Variants in AHCYL1 observed in about 807,000 individuals in gnomAD.
AHCYL1 encodes the protein S-adenosylhomocysteine hydrolase-like protein 1.
A neutral mutation model predicts 79.3 loss-of-function variants in AHCYL1; 20 were observed. The observed-to-expected ratio is 0.25, with a 90% CI of 0.18 to 0.37. The LOEUF is 0.37. Among genes scored for constraint, AHCYL1 ranks in the 10% least tolerant of loss-of-function variants. The pLI, the probability that AHCYL1 is intolerant of heterozygous loss-of-function variation, is 1.00. For synonymous variants in AHCYL1, 223 were observed against 242.2 expected, an observed-to-expected ratio of 0.92 and a Z score of 0.74; for missense variants, 330 against 673.6, an observed-to-expected ratio of 0.49 and a Z score of 5.65.
rs530098093 is a variant in AHCYL1 at position 110,016,454 on chromosome 1, T to G, written c.893T>G (p.Leu298Trp). ...TTGTACTGCTGCCGAGAATCCATTT[T>G]GGATGGGTAGGTTGAATGTATATAT... The part of the protein sequence containing the change: ...DNLYCCRESI[L>W]DGLKRTTDVM... The change falls in exon 8 of 17, where the codon TTG becomes TGG. Residue 298 changes from leucine (L) to tryptophan (W), a missense_variant. Leu to Trp is a moderately conservative substitution (Grantham distance 61). Coordinates refer to ENST00000369799, the MANE Select transcript of AHCYL1 (RefSeq NM_006621.7). 6.2e-7 allele frequency: 1 copy of G among 1,613,414 alleles called. No homozygotes were observed. The highest frequency in any genetic ancestry group is 1.3e-5 in the African/African-American group (1 of 75,004).
intron 9 of AHCYL1, 98 bp from the exon 10 acceptor site, chr1:110,017,396 AT>A: frequency 9.2e-7 from 1 of 1,090,304 alleles, no homozygotes; most frequent in Non-Finnish European, 1.4e-6. Flanking sequence ...ATGACAGGCT[AT>A]TTCATGAAGG....
chr1:110,014,660 A>ATTG (rs1483317358), intron 5 of AHCYL1, 103 bp from the exon 6 acceptor site: 1 of 797,048 alleles, frequency 1.3e-6, no homozygotes. Context: ...CCCTTCTGAA[A>ATTG]TTGTTTCTTT....
At position 110,004,209 on chromosome 1, in the gene AHCYL1, C is replaced by A. The variant is rs41280336; in HGVS notation, c.121-4825C>A. 1.2e-5 allele frequency: 12 copies of A among 985,494 alleles called. No individual in the cohort carries two copies. In the South Asian group the frequency reaches 1.9e-4, roughly 15 times the overall value. 61.0% of individuals were successfully genotyped at this position (985,494 alleles called of 1,614,324 possible). ...GTTGAGACACAGAGGCGGGAGTCGG[C>A]GGGGGAAGATATGTGCTGAGATTAG... On this transcript the variant is annotated intron_variant, in intron 1 of 16. Coordinates refer to ENST00000369799, the MANE Select transcript of AHCYL1 (RefSeq NM_006621.7).
At chr1:109,988,411 A>ATG (rs1325185136) in intron 1 of AHCYL1, among the ~76,000 whole-genome samples, 4 of 152,222 alleles carry the variant, frequency 2.6e-5, no homozygotes. Flanking sequence ...TCCTTGTTTA[A>ATG]TGTTGGCAGT....
At chr1:110,016,080 C>T (rs1651399880) in intron 7 of AHCYL1, among the ~76,000 whole-genome samples, 1 of 151,778 alleles carries the variant, frequency 6.6e-6, no homozygotes, top group Admixed American at 6.6e-5. Context: ...GGAAATAACA[C>T]TCCCTATAAA....
chr1:110,001,588 T>C (rs938759588), intron 1 of AHCYL1, among the ~76,000 whole-genome samples: 2 of 152,134 alleles, frequency 1.3e-5, no homozygotes, highest in African/African-American at 4.8e-5. Flanking sequence ...GCAGACTATA[T>C]TATCATGCTA....
intron 1 of AHCYL1, chr1:109,995,587 A>G: frequency 1.2e-6 from 1 of 817,272 alleles, no homozygotes; most frequent in African/African-American, 1.9e-5. Context: ...TGTTCCCTGT[A>G]TTGGAAGTTG....
chr1:110,020,125 G>T (rs1651696995), intron 15 of AHCYL1, among the ~76,000 whole-genome samples: 1 of 152,164 alleles, frequency 6.6e-6, no homozygotes, highest in South Asian at 2.1e-4. Flanking sequence ...TCCTTGGCTA[G>T]CCCAAATCCC....
At chr1:109,989,328 G>A (rs1649634137) in intron 1 of AHCYL1, among the ~76,000 whole-genome samples, 1 of 152,080 alleles carries the variant, frequency 6.6e-6, no homozygotes, top group African/African-American at 2.4e-5. Context: ...CTTTTATCAG[G>A]AGTGTGTCAT....
intron 1 of AHCYL1, among the ~76,000 whole-genome samples, chr1:109,996,709 A>G (rs1023400216): frequency 2.0e-5 from 3 of 152,226 alleles, no homozygotes; most frequent in African/African-American, 7.2e-5. Context: ...CATCACCACA[A>G]ACATGTGAGT....
intron 1 of AHCYL1, among the ~76,000 whole-genome samples, chr1:109,998,592 C>T (rs1227578754): frequency 1.3e-5 from 2 of 152,204 alleles, no homozygotes; most frequent in South Asian, 2.1e-4. Flanking sequence ...ATCCTCTTGC[C>T]TCAGCCTCCT....
chr1:110,019,654 C>A (rs1287274916), intron 15 of AHCYL1, 28 bp downstream of exon 15: 1 of 1,584,160 alleles, frequency 6.3e-7, no homozygotes, highest in East Asian at 2.2e-5. Context: ...GAAATCTATG[C>A]AGACAGCTGC....
chr1:110,013,583 G>A (rs1311770395), intron 5 of AHCYL1, among the ~76,000 whole-genome samples: 12 of 151,782 alleles, frequency 7.9e-5, no homozygotes, highest in South Asian at 6.3e-4. Context: ...GGTGGTGTGC[G>A]CCTGTAATCT....
intron 5 of AHCYL1, 42 bp from the exon 6 acceptor site, chr1:110,014,721 T>C (rs1557773231): frequency 6.7e-7 from 1 of 1,487,352 alleles, no homozygotes; most frequent in Non-Finnish European, 9.4e-7. Context: ...TACAGGACAC[T>C]CCTCAAAGGA....
rs546772076 is a variant in AHCYL1 at position 110,001,618 on chromosome 1, A to G, written c.121-7416A>G. 5.3e-5 allele frequency among the ~76,000 whole-genome samples: 8 copies of G among 152,312 alleles called. 1 individual carries two copies. The highest frequency in any genetic ancestry group is 1.9e-4 in the African/African-American group (8 of 41,562). On this transcript the variant is annotated intron_variant, in intron 1 of 16. Coordinates refer to ENST00000369799, the MANE Select transcript of AHCYL1 (RefSeq NM_006621.7). ...ATGCTACCTTTTGAGTAAGGGAGGG[A>G]AAATAATATGTATTCGCTTCCCACA...
At chr1:109,987,668 A>C (rs868729136) in intron 1 of AHCYL1, among the ~76,000 whole-genome samples, 37 of 152,220 alleles carry the variant, frequency 2.4e-4, no homozygotes, top group South Asian at 2.1e-4. Context: ...GTGGATGTCC[A>C]TCAATTAAAA....
intron 11 of AHCYL1, 56 bp downstream of exon 11, chr1:110,018,072 T>C: frequency 1.3e-6 from 2 of 1,562,308 alleles, no homozygotes; most frequent in Middle Eastern, 1.7e-4. Flanking sequence ...GAAAGTAGTC[T>C]GAGTGACTTT....
chr1:110,003,466 T>C (rs1386216120), intron 1 of AHCYL1, among the ~76,000 whole-genome samples: 1 of 151,984 alleles, frequency 6.6e-6, no homozygotes. Flanking sequence ...TATAATAAAG[T>C]TGGAAAAGTA....
chr1:110,019,292 G>A (rs569137098), intron 14 of AHCYL1, among the ~76,000 whole-genome samples, 173 bp downstream of exon 14: 32 of 152,284 alleles, frequency 2.1e-4, no homozygotes, highest in African/African-American at 5.3e-4. Context: ...GTCAGTATTC[G>A]TTGAATTGGC....
Sources: gnomAD v4.1 joint callset for allele counts (sites outside exome capture counted in the v4.1 genomes callset) on GRCh38, gnomAD v4.1.1 for gene constraint, MANE v1.5 for transcripts, NCBI Gene and HGNC (gene_info 2026-07-23, HGNC 2026-07-21) for gene names.